The following ITPR2 variants were observed in gnomAD, a reference collection of about 807,000 sequenced individuals.
The protein encoded by ITPR2 is inositol 1,4,5-trisphosphate-gated calcium channel ITPR2.
ITPR2 carries 207 observed loss-of-function variants against 317.1 expected under a neutral mutation model. The ratio of observed to expected loss-of-function variants is 0.65; its 90% CI spans 0.58 to 0.73. The LOEUF is 0.73. Among genes scored for constraint, ITPR2 ranks in the 30% least tolerant of loss-of-function variants. The pLI is 0.00. For synonymous variants in ITPR2, 1,156 were observed against 1,149.1 expected (o/e 1.01, Z -0.12); for missense variants, 2,613 against 3,284.0 (o/e 0.80, Z 4.99).
intron 1 of ITPR2, among the ~76,000 whole-genome samples, chr12:26,793,610 C>T (rs1950380069): frequency 6.6e-6 from 1 of 152,022 alleles, no homozygotes; most frequent in Non-Finnish European, 1.5e-5. Flanking sequence ...AGAGTCAGTC[C>T]ATTTCTGTCT....
intron 14 of ITPR2, among the ~76,000 whole-genome samples, chr12:26,665,091 A>T (rs781591579): frequency 2.0e-5 from 3 of 152,224 alleles, no homozygotes; most frequent in Non-Finnish European, 2.9e-5. Context: ...ATCATTAGGA[A>T]GTGAATCAAT....
intron 54 of ITPR2, among the ~76,000 whole-genome samples, chr12:26,388,600 T>C (rs1383584316): frequency 2.0e-5 from 3 of 151,814 alleles, no homozygotes; most frequent in African/African-American, 7.3e-5. Flanking sequence ...ACTACAGGCA[T>C]GCACCACCAT....
At chr12:26,556,404 A>T (rs1416282760) in intron 35 of ITPR2, 29 bp from the exon 36 acceptor site, 1 of 1,597,574 alleles carries the variant, frequency 6.3e-7, no homozygotes, top group Non-Finnish European at 8.5e-7. Flanking sequence ...GAGAACCCAC[A>T]TGAAGGCGTA....
At chr12:26,521,282 T>C (rs1016099061) in intron 37 of ITPR2, among the ~76,000 whole-genome samples, 1 of 152,210 alleles carries the variant, frequency 6.6e-6, no homozygotes, top group Admixed American at 6.5e-5. Context: ...TATTATTTAT[T>C]TTTATAAGTG....
rs1336214262 is a variant in ITPR2, at chr12:26,617,586, GTGAAAGAA to G, written c.3462+3529_3462+3536del. ...TCAATACTACTGCTTGATAGGAACA[GTGAAAGAA>G]AGAAAGAAAAGAAAAGAGGAAAGAA... On this transcript the variant is annotated intron_variant, in intron 26 of 56. Transcript: ENST00000381340. Among the ~76,000 whole-genome samples, 6 of 149,698 alleles carry G rather than the reference GTGAAAGAA, an allele frequency of 4.0e-5. No homozygotes were observed. The South Asian group carries it at 1.1e-3, about 26-fold the overall frequency.
intron 4 of ITPR2, among the ~76,000 whole-genome samples, chr12:26,724,384 T>G (rs1948885307): frequency 1.3e-5 from 2 of 152,208 alleles, no homozygotes; most frequent in African/African-American, 4.8e-5. Context: ...CCTTTAGAAA[T>G]TGTTTCCTGA....
intron 2 of ITPR2, among the ~76,000 whole-genome samples, chr12:26,763,912 C>T (rs1274210409): frequency 6.6e-6 from 1 of 152,088 alleles, no homozygotes; most frequent in Non-Finnish European, 1.5e-5. Flanking sequence ...CCTCCTCAAC[C>T]TTTCTTTAGT....
chr12:26,636,562 T>C (rs1946871256), intron 21 of ITPR2, among the ~76,000 whole-genome samples: 1 of 152,250 alleles, frequency 6.6e-6, no homozygotes, highest in East Asian at 1.9e-4. Context: ...TTGGGTCTCA[T>C]TAAAGGTACT....
chr12:26,394,741 G>A (rs748349021), intron 54 of ITPR2, among the ~76,000 whole-genome samples: 6 of 152,158 alleles, frequency 3.9e-5, no homozygotes, highest in Non-Finnish European at 8.8e-5. Context: ...TGGCAACACC[G>A]AGCAGACCAT....
chr12:26,477,630 G>T (rs1420189741), intron 43 of ITPR2, among the ~76,000 whole-genome samples: 1 of 151,950 alleles, frequency 6.6e-6, no homozygotes, highest in African/African-American at 2.4e-5. Flanking sequence ...TTCTATTTTT[G>T]CTTAACAAAG....
chr12:26,746,189 A>AC (rs1565734243), intron 2 of ITPR2, among the ~76,000 whole-genome samples: 1 of 77,792 alleles, frequency 1.3e-5, no homozygotes, highest in African/African-American at 4.5e-5. Flanking sequence ...GTGTATTCCT[A>AC]CAACACACAC....
chr12:26,711,134 G>C lies in ITPR2; in HGVS notation c.951+39C>G, dbSNP rs771437487. On this transcript the variant is annotated intron_variant, in intron 9 of 56. Transcript: ENST00000381340. Reference sequence around the variant, plus strand: ...CCCAACTGCCTCTTTCACTAATTCAGAGTCAGAAACTTAATACCACTTTAT... The same window carrying C: ...CCCAACTGCCTCTTTCACTAATTCACAGTCAGAAACTTAATACCACTTTAT... 11 of 1,402,878 alleles carry C rather than the reference G, an allele frequency of 7.8e-6. No individual in the cohort carries two copies. The South Asian group carries it at 1.0e-4, about 13-fold the overall frequency. 86.9% of individuals were successfully genotyped at this position (1,402,878 alleles called of 1,614,324 possible).
intron 2 of ITPR2, among the ~76,000 whole-genome samples, chr12:26,759,555 A>C (rs924257946): frequency 6.6e-6 from 1 of 152,248 alleles, no homozygotes; most frequent in Non-Finnish European, 1.5e-5. Flanking sequence ...AAATCTAGCC[A>C]AATTAAATAC....
intron 21 of ITPR2, among the ~76,000 whole-genome samples, chr12:26,632,605 C>T (rs1411511797): frequency 6.6e-6 from 1 of 152,144 alleles, no homozygotes; most frequent in Non-Finnish European, 1.5e-5. Context: ...AAAATAGTCT[C>T]ATCTGGGGAA....
At chr12:26,529,000 C>T (rs932503333) in intron 37 of ITPR2, among the ~76,000 whole-genome samples, 12 of 152,200 alleles carry the variant, frequency 7.9e-5, no homozygotes, top group Admixed American at 7.9e-4. Flanking sequence ...AAACTTCACT[C>T]CACATCCAGA....
intron 37 of ITPR2, among the ~76,000 whole-genome samples, chr12:26,520,949 C>T (rs998416296): frequency 2.6e-5 from 4 of 152,156 alleles, no homozygotes; most frequent in Admixed American, 1.3e-4. Context: ...AGGAATATAA[C>T]ATGCTCCTTT....
At chr12:26,544,993 CA>C (rs1944358500) in intron 37 of ITPR2, among the ~76,000 whole-genome samples, 1 of 152,122 alleles carries the variant, frequency 6.6e-6, no homozygotes, top group Non-Finnish European at 1.5e-5. Context: ...TTGAAAACAG[CA>C]AAGTGCTATA....
chr12:26,769,558 C>T (rs975180839), intron 2 of ITPR2, among the ~76,000 whole-genome samples: 1 of 151,934 alleles, frequency 6.6e-6, no homozygotes, highest in Non-Finnish European at 1.5e-5. Flanking sequence ...CTTCCATAAA[C>T]AAAATATAAC....
intron 45 of ITPR2, among the ~76,000 whole-genome samples, chr12:26,461,912 G>T (rs1942041813): frequency 1.3e-5 from 2 of 148,322 alleles, no homozygotes; most frequent in African/African-American, 2.5e-5. Context: ...TTTTTTTTTG[G>T]TCTGGCTAAG....
Sources: gnomAD v4.1 joint callset for allele counts (sites outside exome capture counted in the v4.1 genomes callset) on GRCh38, gnomAD v4.1.1 for gene constraint, MANE v1.5 for transcripts, NCBI Gene and HGNC (gene_info 2026-07-23, HGNC 2026-07-21) for gene names.